The following PUDP variants were observed in gnomAD, a reference collection of about 807,000 sequenced individuals.
The protein encoded by PUDP is pseudouridine 5'-phosphatase, also known as pseudouridine-5'-phosphatase.
Under a neutral mutation model 9.4 loss-of-function variants are expected in PUDP, and 8 were observed. That is an observed-to-expected ratio of 0.85 (90% CI 0.50 to 1.53). The LOEUF is 1.53. Among genes scored for constraint, PUDP ranks in the 40% most tolerant of loss-of-function variants. PUDP has a pLI of 0.00. For missense variants in PUDP, 188 were observed against 189.7 expected (o/e 0.99, Z 0.05); for synonymous variants, 99 against 80.7 (o/e 1.23, Z -1.22).
chrX:7,112,468 A>G (rs1285475641), intron 1 of PUDP, among the ~76,000 whole-genome samples: 1 of 111,877 alleles, frequency 8.9e-6, no homozygotes, highest in Non-Finnish European at 1.9e-5. Context: ...TTTTTCTCCA[A>G]AACTAATCTT....
At chrX:7,126,736 G>GAGGT (rs1479222715) in intron 1 of PUDP, among the ~76,000 whole-genome samples, 17 of 111,334 alleles carry the variant, frequency 1.5e-4, no homozygotes, top group Non-Finnish European at 2.6e-4. Context: ...CTGAGGTCCT[G>GAGGT]GGGTTAGGCC....
intron 2 of PUDP, among the ~76,000 whole-genome samples, chrX:7,099,002 G>C (rs1416065973): frequency 9.0e-6 from 1 of 111,631 alleles, no homozygotes; most frequent in Admixed American, 9.4e-5. Context: ...CCTTTCTACT[G>C]GCCCAGATAC....
chrX:6,932,495 T>A (rs1443486576), intron 3 of PUDP, among the ~76,000 whole-genome samples: 2 of 111,679 alleles, frequency 1.8e-5, no homozygotes, highest in African/African-American at 3.3e-5. Context: ...GGAGGAGCCA[T>A]GATGGCCGAA....
chrX:6,758,659 G>T (rs759477470), intron 3 of PUDP, among the ~76,000 whole-genome samples: 57 of 111,156 alleles, frequency 5.1e-4, no homozygotes, highest in African/African-American at 1.8e-3. Context: ...AGAAAAGGGA[G>T]ACTTACAGAC....
chrX:7,064,822 T>C (rs1304358457), intron 3 of PUDP, among the ~76,000 whole-genome samples: 1 of 111,819 alleles, frequency 8.9e-6, no homozygotes, highest in Non-Finnish European at 1.9e-5. Flanking sequence ...TTCTTAACCC[T>C]TGAATAAGCT....
intron 3 of PUDP, among the ~76,000 whole-genome samples, chrX:6,939,046 C>T (rs1013356695): frequency 7.3e-5 from 8 of 110,158 alleles, no homozygotes; most frequent in Non-Finnish European, 1.3e-4. Context: ...ATGCAAACCA[C>T]GGCTTTTTAT....
At chrX:6,709,451 A>G (rs188431404) in intron 1 of PUDP, among the ~76,000 whole-genome samples, 1 of 112,002 alleles carries the variant, frequency 8.9e-6, no homozygotes, top group East Asian at 2.8e-4. Context: ...CTTTTAGTCC[A>G]TCTGCTTTGG....
intron 2 of PUDP, among the ~76,000 whole-genome samples, chrX:7,099,844 CAT>C (rs1216991150): frequency 1.8e-5 from 2 of 112,442 alleles, no homozygotes; most frequent in Non-Finnish European, 3.8e-5. Flanking sequence ...CCCAGGCAGA[CAT>C]GCCCCCACAT....
intron 3 of PUDP, among the ~76,000 whole-genome samples, chrX:7,076,639 T>G (rs1212862434): frequency 8.9e-6 from 1 of 111,801 alleles, no homozygotes; most frequent in Non-Finnish European, 1.9e-5. Flanking sequence ...ATACCCTGCA[T>G]GGTCAAGCAG....
chrX:6,791,198 A>C, intron 3 of PUDP, among the ~76,000 whole-genome samples: 1 of 109,279 alleles, frequency 9.2e-6, no homozygotes, highest in East Asian at 2.9e-4. Flanking sequence ...TCTACAAAAA[A>C]CAAAAAATTG....
At chrX:7,131,860 C>T (rs1932628185) in intron 1 of PUDP, among the ~76,000 whole-genome samples, 2 of 107,603 alleles carry the variant, frequency 1.9e-5, no homozygotes, top group African/African-American at 3.4e-5. Context: ...ACCTGTGCTC[C>T]GCCTCTCACC....
intron 3 of PUDP, among the ~76,000 whole-genome samples, chrX:6,854,354 TG>T (rs770245073): frequency 2.6e-4 from 29 of 112,146 alleles, no homozygotes; most frequent in African/African-American, 8.4e-4. Flanking sequence ...GCTAGAAATG[TG>T]GAGCTACTTA....
intron 1 of PUDP, among the ~76,000 whole-genome samples, chrX:7,118,343 T>TA (rs1236737090): frequency 8.9e-6 from 1 of 112,414 alleles, no homozygotes; most frequent in Non-Finnish European, 1.9e-5. Flanking sequence ...TTAGTGCTGT[T>TA]AAAGTCCAAA....
At chrX:6,820,582 C>T (rs1926325261) in intron 3 of PUDP, among the ~76,000 whole-genome samples, 1 of 111,168 alleles carries the variant, frequency 9.0e-6, no homozygotes, top group Non-Finnish European at 1.9e-5. Flanking sequence ...AGAAATTGGC[C>T]AAAGCAAAGG....
intron 1 of PUDP, among the ~76,000 whole-genome samples, chrX:7,128,489 G>A (rs1932538469): frequency 8.9e-6 from 1 of 111,884 alleles, no homozygotes; most frequent in Non-Finnish European, 1.9e-5. Flanking sequence ...GCAATACTAA[G>A]CACCCACAGT....
At chrX:6,812,194 A>C (rs536542989) in intron 3 of PUDP, among the ~76,000 whole-genome samples, 5 of 112,201 alleles carry the variant, frequency 4.5e-5, no homozygotes, top group African/African-American at 1.6e-4. Context: ...ACAGTCTCTC[A>C]TCCACCATCT....
chrX:6,711,366 C>A (rs1602595795), intron 1 of PUDP, among the ~76,000 whole-genome samples: 1 of 110,771 alleles, frequency 9.0e-6, no homozygotes, highest in Non-Finnish European at 1.9e-5. Flanking sequence ...CTCTGAGCAG[C>A]GCTCCTTCCT....
intron 3 of PUDP, among the ~76,000 whole-genome samples, chrX:6,939,775 A>C (rs1361786653): frequency 9.2e-6 from 1 of 108,312 alleles, no homozygotes. Context: ...ATCATAGCTC[A>C]TATGATCGCT....
intron 3 of PUDP, among the ~76,000 whole-genome samples, chrX:6,752,722 G>C (rs1461737671): frequency 1.8e-5 from 2 of 110,586 alleles, no homozygotes; most frequent in African/African-American, 3.3e-5. Flanking sequence ...GATTCTGCCT[G>C]GATGATCATG....
Sources: allele counts gnomAD v4.1 joint callset (sites outside exome capture counted in the v4.1 genomes callset), GRCh38; gene constraint gnomAD v4.1.1; transcripts MANE v1.5; gene names NCBI Gene and HGNC (gene_info 2026-07-23, HGNC 2026-07-21).